PLS3: variants seen among roughly 807,000 people sequenced by gnomAD.
PLS3 encodes plastin 3, also known as plastin-3.
Under a neutral mutation model 46.5 loss-of-function variants are expected in PLS3, and 11 were observed. The ratio of observed to expected loss-of-function variants is 0.24; its 90% confidence interval spans 0.15 to 0.39. The LOEUF (loss-of-function observed/expected upper bound fraction) is 0.39, where lower values mean the gene tolerates loss of function less well. PLS3 is among the 10% of genes least tolerant of loss of function. The probability of loss-of-function intolerance (pLI) is 1.00; values close to 1 mark genes in which losing one functional copy is unlikely to be tolerated. For missense variants in PLS3, 308 were observed against 461.8 expected (o/e 0.67, Z 3.05); for synonymous variants, 167 against 162.2 (o/e 1.03, Z -0.22).
intron 2 of PLS3, chrX:115,614,268 C>T: frequency 1.3e-6 from 1 of 745,380 alleles, no homozygotes; most frequent in Non-Finnish European, 1.6e-6. Flanking sequence ...CGCGCCTGGC[C>T]TACACACATG....
chrX:115,645,224 G>A, intron 11 of PLS3, 125 bp downstream of exon 11: 2 of 491,663 alleles, frequency 4.1e-6, no homozygotes, highest in South Asian at 7.3e-5. Flanking sequence ...AATGTCAAGT[G>A]GTGATTTCCA....
intron 1 of PLS3, among the ~76,000 whole-genome samples, chrX:115,597,805 A>T (rs897478315): frequency 4.5e-5 from 5 of 111,707 alleles, no homozygotes; most frequent in Admixed American, 1.9e-4. Flanking sequence ...ATCAGTGTAT[A>T]TAATAATGCC....
intron 2 of PLS3, among the ~76,000 whole-genome samples, chrX:115,618,404 C>T (rs782299532): frequency 1.8e-5 from 2 of 109,417 alleles, no homozygotes; most frequent in South Asian, 4.0e-4. Context: ...ATAGTGAGAC[C>T]CTGTCTCTAC....
chrX:115,632,396 G>T (rs1272353048), intron 5 of PLS3, among the ~76,000 whole-genome samples: 2 of 110,610 alleles, frequency 1.8e-5, no homozygotes, highest in African/African-American at 6.6e-5. Context: ...GGAGTTCGAG[G>T]CTGCAGTGAT....
chrX:115,645,661 A>G (rs1030396951), intron 11 of PLS3, among the ~76,000 whole-genome samples: 4 of 111,091 alleles, frequency 3.6e-5, no homozygotes, highest in African/African-American at 1.3e-4. Context: ...CCTGACTACC[A>G]CCTGCTACTC....
chrX:115,577,725 G>A (rs1207321947), intron 1 of PLS3, among the ~76,000 whole-genome samples: 3 of 110,942 alleles, frequency 2.7e-5, no homozygotes, highest in African/African-American at 3.3e-5. Context: ...TGATCCTCCC[G>A]CCTCGGCCTC....
intron 3 of PLS3, among the ~76,000 whole-genome samples, chrX:115,623,347 C>A (rs1556637958): frequency 9.1e-6 from 1 of 109,639 alleles, no homozygotes; most frequent in South Asian, 4.0e-4. Flanking sequence ...AGGGAGACCC[C>A]ATCTGTACAA....
chrX:115,570,170 C>T (rs1184448331), intron 1 of PLS3, among the ~76,000 whole-genome samples: 5 of 110,587 alleles, frequency 4.5e-5, no homozygotes, highest in African/African-American at 9.9e-5. Context: ...CTCTTGACCT[C>T]GTGATCCACC....
At chrX:115,639,535 G>C (rs988831125) in intron 8 of PLS3, among the ~76,000 whole-genome samples, 1 of 111,911 alleles carries the variant, frequency 8.9e-6, no homozygotes, top group African/African-American at 3.2e-5. Context: ...TTCATAGCCT[G>C]TCTGGACCTT....
intron 10 of PLS3, 124 bp from the exon 11 acceptor site, chrX:115,644,897 T>A (rs1465391413): frequency 2.2e-6 from 1 of 448,297 alleles, no homozygotes; most frequent in Non-Finnish European, 3.8e-6. Context: ...GCTTGGAAAC[T>A]CGTATTATCG....
At chrX:115,632,403 T>A (rs1226263345) in intron 5 of PLS3, among the ~76,000 whole-genome samples, 1 of 110,541 alleles carries the variant, frequency 9.0e-6, no homozygotes, top group Non-Finnish European at 1.9e-5. Flanking sequence ...GAGGCTGCAG[T>A]GATTCGAGCT....
Position 115,578,430 on chromosome X carries a change from T to A in PLS3, c.-9+17170T>A, listed in dbSNP as rs782769976. Among the ~76,000 whole-genome samples the A allele has an allele frequency of 3.6e-5, 4 of 111,182 alleles. No individual in the cohort carries two copies. In the South Asian group the frequency reaches 1.5e-3, roughly 42 times the overall value. On this transcript the variant is annotated intron_variant, in intron 1 of 15. Coordinates refer to ENST00000355899, the MANE Select transcript of PLS3 (RefSeq NM_005032.7). ...TGTGTCAGAAGTTATGTCAAAAAAGTTTTGAAAAGATAAAGCTAGGCGTGG... is the reference window on the plus strand; with the variant it reads ...TGTGTCAGAAGTTATGTCAAAAAAGATTTGAAAAGATAAAGCTAGGCGTGG...
intron 1 of PLS3, among the ~76,000 whole-genome samples, chrX:115,584,780 G>T (rs1556632214): frequency 1.8e-5 from 2 of 111,656 alleles, no homozygotes; most frequent in African/African-American, 3.3e-5. Context: ...TGTATTTAAT[G>T]CTCCCTGTGG....
chrX:115,609,000 C>T (rs1556635744), intron 1 of PLS3, among the ~76,000 whole-genome samples: 1 of 109,359 alleles, frequency 9.1e-6, no homozygotes, highest in Non-Finnish European at 1.9e-5. Context: ...TTTGGGAGAC[C>T]GAGGCGGGAG....
chrX:115,563,242 C>G (rs782063782), intron 1 of PLS3, among the ~76,000 whole-genome samples: 1 of 111,816 alleles, frequency 8.9e-6, no homozygotes, highest in Non-Finnish European at 1.9e-5. Flanking sequence ...TAGTAAATAA[C>G]CTCTTGACTA....
At chrX:115,634,825 G>A in intron 6 of PLS3, 56 bp from the exon 7 acceptor site, 1 of 1,069,047 alleles carries the variant, frequency 9.4e-7, no homozygotes, top group Admixed American at 2.6e-5. Context: ...GGAGAAAGTA[G>A]ACTGCTAAAA....
intron 1 of PLS3, among the ~76,000 whole-genome samples, chrX:115,575,321 C>T (rs1379086505): frequency 8.9e-6 from 1 of 112,364 alleles, no homozygotes; most frequent in African/African-American, 3.2e-5. Context: ...AGTGTCTATC[C>T]ATGAGTCCCC....
At chrX:115,634,818 G>A in intron 6 of PLS3, 63 bp from the exon 7 acceptor site, 1 of 1,017,394 alleles carries the variant, frequency 9.8e-7, no homozygotes, top group East Asian at 3.1e-5. Flanking sequence ...AGTGAAGGGA[G>A]AAAGTAGACT....
intron 10 of PLS3, 22 bp downstream of exon 10, chrX:115,643,530 G>GA: frequency 1.1e-5 from 10 of 929,290 alleles, no homozygotes; most frequent in Non-Finnish European, 1.4e-5. Context: ...CCTCAATTTC[G>GA]AATGTGTGGG....
Sources: allele counts gnomAD v4.1 joint callset (sites outside exome capture counted in the v4.1 genomes callset), GRCh38; gene constraint gnomAD v4.1.1; transcripts MANE v1.5; gene names NCBI Gene and HGNC (gene_info 2026-07-23, HGNC 2026-07-21).